The following ANK2 variants were observed in gnomAD, a reference collection of about 807,000 sequenced individuals.
ANK2 encodes the protein ankyrin-2.
Under a neutral mutation model 360.5 loss-of-function variants are expected in ANK2, and 83 were observed. That is an observed-to-expected ratio of 0.23 (90% CI 0.19 to 0.28). The LOEUF (loss-of-function observed/expected upper bound fraction) is 0.28. Among genes scored for constraint, ANK2 ranks in the 10% least tolerant of loss-of-function variants. The probability of loss-of-function intolerance (pLI) is 1.00; values close to 1 mark genes in which losing one functional copy is unlikely to be tolerated. For synonymous variants in ANK2, 1,740 were observed against 1,759.5 expected (o/e 0.99, Z 0.28); for missense variants, 4,201 against 4,795.7 (o/e 0.88, Z 3.66).
At chr4:113,221,624 A>T (rs2099153115) in intron 4 of ANK2, among the ~76,000 whole-genome samples, 1 of 151,414 alleles carries the variant, frequency 6.6e-6, no homozygotes. Flanking sequence ...GTGCCACTGC[A>T]CTCCAGCCTG....
In ANK2 at chr4:112,946,425, A is replaced by G. The variant is rs569420132; in HGVS notation, c.21+41911A>G. Among the ~76,000 whole-genome samples, 557 of 152,278 alleles carry G rather than the reference A, an allele frequency of 3.7e-3. 3 individuals are homozygous for G. The highest frequency in any genetic ancestry group is 6.8e-3 in the Middle Eastern group (2 of 294). ...CCAGGGCTTGTGAGGATTCTTGTAA[A>G]TTGAAGACTGTCTATAATTTGATTA... On this transcript the variant is annotated intron_variant, in intron 2 of 30. Transcript: ENST00000503271.
chr4:113,031,865 A>G (rs1232805214), intron 2 of ANK2, among the ~76,000 whole-genome samples: 4 of 151,826 alleles, frequency 2.6e-5, no homozygotes, highest in African/African-American at 7.2e-5. Context: ...AGGAAACTCT[A>G]TGTGTGCTTT....
the ANK2 span, among the ~76,000 whole-genome samples, chr4:112,712,011 G>A: frequency 3.3e-5 from 5 of 149,324 alleles, no homozygotes; most frequent in African/African-American, 9.8e-5. Context: ...TGCATTCTTT[G>A]TATATTTTTG....
At chr4:112,778,993 T>G in the ANK2 span, among the ~76,000 whole-genome samples, 46,577 of 152,070 alleles carry the variant, frequency 0.31, 7,281 homozygotes, top group East Asian at 0.35. Context: ...GTACCAAAGT[T>G]GTCAGGAATT....
intron 1 of ANK2, chr4:112,827,348 A>G: frequency 7.7e-7 from 1 of 1,290,590 alleles, no homozygotes; most frequent in Non-Finnish European, 1.1e-6. Flanking sequence ...CAGCAACTGG[A>G]ACTTGAACAG....
chr4:112,827,772 G>T (rs2058716323), intron 1 of ANK2, among the ~76,000 whole-genome samples: 2 of 152,128 alleles, frequency 1.3e-5, no homozygotes, highest in African/African-American at 4.8e-5. Flanking sequence ...AATCAATATT[G>T]TTAAAATGGC....
At chr4:113,141,768 G>A (rs954271664) in intron 1 of ANK2, among the ~76,000 whole-genome samples, 14 of 152,196 alleles carry the variant, frequency 9.2e-5, no homozygotes, top group African/African-American at 2.9e-4. Context: ...TAAAACTGCA[G>A]TGAATGATTT....
At chr4:113,299,365 A>C (rs953362141) in intron 22 of ANK2, among the ~76,000 whole-genome samples, 14 of 152,242 alleles carry the variant, frequency 9.2e-5, no homozygotes, top group Admixed American at 5.9e-4. Context: ...TTTCTAATAC[A>C]GTCTAATATA....
chr4:113,372,999 T>C, intron 43 of ANK2, 91 bp from the exon 44 acceptor site: 3 of 1,139,546 alleles, frequency 2.6e-6, no homozygotes, highest in Non-Finnish European at 4.0e-6. Flanking sequence ...GCCTTTGATT[T>C]TCTAACATTC....
chr4:112,976,297 G>A (rs374465616), intron 2 of ANK2, among the ~76,000 whole-genome samples: 76 of 151,960 alleles, frequency 5.0e-4, no homozygotes, highest in African/African-American at 1.8e-3. Context: ...AGGTTCAAGC[G>A]ATTGTCCTGC....
At chr4:113,339,155 A>G in intron 31 of ANK2, 71 bp from the exon 32 acceptor site, 3 of 1,334,352 alleles carry the variant, frequency 2.2e-6, no homozygotes, top group Non-Finnish European at 3.2e-6. Flanking sequence ...ACACAGAACC[A>G]CAAAGACTTT....
At chr4:112,792,406 A>G in the ANK2 span, among the ~76,000 whole-genome samples, 1 of 152,180 alleles carries the variant, frequency 6.6e-6, no homozygotes, top group East Asian at 1.9e-4. Context: ...ATCAGGCAGG[A>G]TATCAGAATT....
chr4:112,768,374 C>T, the ANK2 span, among the ~76,000 whole-genome samples: 2 of 152,070 alleles, frequency 1.3e-5, no homozygotes, highest in Admixed American at 6.6e-5. Context: ...CCATCTCAGC[C>T]TCCCAAGTAG....
upstream of ANK2, among the ~76,000 whole-genome samples, chr4:112,816,916 CAGG>C (rs1359789008): frequency 2.0e-5 from 3 of 152,158 alleles, no homozygotes; most frequent in African/African-American, 7.2e-5. Context: ...GAGGCTGAGG[CAGG>C]AGAATCACTT....
At chr4:113,177,765 G>A (rs976547224) in intron 2 of ANK2, among the ~76,000 whole-genome samples, 3 of 152,164 alleles carry the variant, frequency 2.0e-5, no homozygotes, top group African/African-American at 7.2e-5. Flanking sequence ...TCTGTGAGAA[G>A]GCAACATGAT....
At chr4:112,767,374 A>C in the ANK2 span, among the ~76,000 whole-genome samples, 6 of 152,112 alleles carry the variant, frequency 3.9e-5, no homozygotes, top group African/African-American at 1.4e-4. Context: ...CAGCCTGGGC[A>C]ACATGGTGAA....
chr4:112,822,417 C>CAA (rs1159310102), intron 1 of ANK2, among the ~76,000 whole-genome samples: 21 of 94,672 alleles, frequency 2.2e-4, no homozygotes, highest in South Asian at 7.5e-4. Context: ...GATTCCGTCT[C>CAA]AAAAAAAAAA....
At chr4:113,085,528 T>C (rs11098186) in intron 1 of ANK2, among the ~76,000 whole-genome samples, 60,212 of 151,756 alleles carry the variant, frequency 0.4, 12,591 homozygotes, top group East Asian at 0.56. Context: ...AGGATGGTCT[T>C]GATCTCGTGA....
At chr4:113,052,499 A>G (rs1420801288) in intron 1 of ANK2, among the ~76,000 whole-genome samples, 2 of 152,206 alleles carry the variant, frequency 1.3e-5, no homozygotes, top group African/African-American at 2.4e-5. Context: ...TGTACCTTCC[A>G]AAAGTACCTC....
Sources: gnomAD v4.1 joint callset for allele counts (sites outside exome capture counted in the v4.1 genomes callset) on GRCh38, gnomAD v4.1.1 for gene constraint, MANE v1.5 for transcripts, NCBI Gene and HGNC (gene_info 2026-07-23, HGNC 2026-07-21) for gene names.